PRKCA: variants seen among roughly 807,000 people sequenced by gnomAD.
PRKCA encodes the protein protein kinase C alpha.
In PRKCA, 27 loss-of-function variants were observed where a neutral mutation model predicts 87.0. That is an observed-to-expected ratio of 0.31 (90% CI 0.23 to 0.43). PRKCA has a LOEUF of 0.43. Among genes scored for constraint, PRKCA ranks in the 20% least tolerant of loss-of-function variants. The pLI is 1.00. For missense variants in PRKCA, 518 were observed against 852.3 expected (o/e 0.61, Z 4.88); for synonymous variants, 329 against 311.1 (o/e 1.06, Z -0.61).
chr17:66,456,178 A>C (rs899365420), intron 2 of PRKCA, among the ~76,000 whole-genome samples: 1 of 152,178 alleles, frequency 6.6e-6, no homozygotes, highest in African/African-American at 2.4e-5. Flanking sequence ...CAGAGCTTCC[A>C]GAAGGAACCA....
chr17:66,483,787 A>C (rs1029133892), intron 2 of PRKCA, among the ~76,000 whole-genome samples: 1 of 152,038 alleles, frequency 6.6e-6, no homozygotes, highest in Non-Finnish European at 1.5e-5. Flanking sequence ...TAAGGATGCC[A>C]GTCATATTGG....
intron 2 of PRKCA, among the ~76,000 whole-genome samples, chr17:66,318,908 T>C (rs116154347): frequency 2.2e-3 from 328 of 151,848 alleles, no homozygotes; most frequent in African/African-American, 7.7e-3. Context: ...ATTGCTTGAA[T>C]TCATGAATTT....
chr17:66,663,548 G>C (rs1971962658), intron 5 of PRKCA, among the ~76,000 whole-genome samples: 1 of 152,180 alleles, frequency 6.6e-6, no homozygotes, highest in South Asian at 2.1e-4. Flanking sequence ...AACTTGTCTT[G>C]ATATAAAGGG....
rs1598576068 is a variant in PRKCA at position 66,302,956 on chromosome 17, G to A, written c.105G>A (p.Lys35=). 3 of 1,612,746 alleles carry A rather than the reference G, an allele frequency of 1.9e-6. No individual in the cohort carries two copies. Among genetic ancestry groups the A allele is most frequent in the Non-Finnish European group, 2.5e-6 (3 of 1,179,354 alleles). The change falls in exon 1 of 17, where the codon AAG becomes AAA. Residue 35 remains lysine, a synonymous_variant. Coordinates refer to ENST00000413366, the MANE Select transcript of PRKCA (RefSeq NM_002737.3). Reference sequence around the variant, plus strand: ...GGCAGAAGAACGTGCACGAGGTGAAGGACCACAAATTCATCGCGCGCTTCT... The same window carrying A: ...GGCAGAAGAACGTGCACGAGGTGAAAGACCACAAATTCATCGCGCGCTTCT... ...ALRQKNVHEV[K]DHKFIARFFK... is the part of the protein sequence containing the mutation.
At chr17:66,727,049 G>A (rs1037654879) in intron 8 of PRKCA, among the ~76,000 whole-genome samples, 3 of 152,052 alleles carry the variant, frequency 2.0e-5, no homozygotes, top group African/African-American at 7.2e-5. Flanking sequence ...GCAGTAGCCC[G>A]CCAGCGAGAG....
At chr17:66,409,055 A>AAAAT (rs61052158) in intron 2 of PRKCA, among the ~76,000 whole-genome samples, 1 of 146,946 alleles carries the variant, frequency 6.8e-6, no homozygotes, top group Non-Finnish European at 1.5e-5. Context: ...AAAAAAAAAA[A>AAAAT]GAAGAAGAAT....
At chr17:66,441,779 C>T (rs74703517) in intron 2 of PRKCA, among the ~76,000 whole-genome samples, 19,727 of 152,060 alleles carry the variant, frequency 0.13, 1,399 homozygotes, top group Middle Eastern at 0.19. Context: ...TTAATTTACA[C>T]TGAAATGATT....
chr17:66,774,637 C>T, intron 14 of PRKCA: 1 of 987,592 alleles, frequency 1.0e-6, no homozygotes, highest in Non-Finnish European at 1.2e-6. Context: ...AAAAAATGTG[C>T]ACGTTGATGA....
chr17:66,781,441 C>T (rs920831787), intron 14 of PRKCA, among the ~76,000 whole-genome samples: 2 of 152,184 alleles, frequency 1.3e-5, no homozygotes, highest in East Asian at 1.9e-4. Context: ...TGACCCTCAA[C>T]GTACAGGTAG....
At chr17:66,418,917 A>ATT (rs1567819161) in intron 2 of PRKCA, among the ~76,000 whole-genome samples, 37 of 143,238 alleles carry the variant, frequency 2.6e-4, no homozygotes, top group African/African-American at 9.1e-4. Flanking sequence ...ACGCCCGGCT[A>ATT]ATTTTTTTTT....
At chr17:66,352,684 C>T (rs921189727) in intron 2 of PRKCA, among the ~76,000 whole-genome samples, 3 of 149,768 alleles carry the variant, frequency 2.0e-5, no homozygotes, top group Non-Finnish European at 4.4e-5. Context: ...CTGCCTCAGC[C>T]TCCCGAGTAG....
At chr17:66,525,992 G>C (rs1188044755) in intron 3 of PRKCA, among the ~76,000 whole-genome samples, 1 of 152,102 alleles carries the variant, frequency 6.6e-6, no homozygotes, top group Non-Finnish European at 1.5e-5. Context: ...TTGCCTTTAT[G>C]ATAATGATAT....
At chr17:66,585,492 T>C (rs1969565291) in intron 3 of PRKCA, among the ~76,000 whole-genome samples, 1 of 152,262 alleles carries the variant, frequency 6.6e-6, no homozygotes, top group African/African-American at 2.4e-5. Context: ...ACTGCCTAAA[T>C]AATTTCTTTC....
At chr17:66,453,538 G>T (rs1473395438) in intron 2 of PRKCA, among the ~76,000 whole-genome samples, 1 of 151,942 alleles carries the variant, frequency 6.6e-6, no homozygotes, top group African/African-American at 2.4e-5. Context: ...GGCTGGTCTC[G>T]AACTCCTGAC....
chr17:66,645,378 C>T lies in PRKCA; in HGVS notation c.401-5C>T. ...CAGCTCACCCTCTCCTTTCTTGATT[C>T]ACAGCCTGCGATATGAACGTTCACA... On this transcript the variant is annotated splice_polypyrimidine_tract_variant and splice_region_variant and intron_variant, in intron 4 of 16. Transcript: ENST00000413366. 3 of 1,614,180 alleles carry T rather than the reference C, an allele frequency of 1.9e-6. No homozygotes were observed. The highest frequency in any genetic ancestry group is 3.3e-5 in the Admixed American group (2 of 60,020).
chr17:66,702,193 CAT>C (rs1341342735), intron 8 of PRKCA, among the ~76,000 whole-genome samples: 1 of 150,532 alleles, frequency 6.6e-6, no homozygotes, highest in Non-Finnish European at 1.5e-5. Flanking sequence ...TGTGTATACA[CAT>C]ATATGTATAT....
Position 66,739,048 on chromosome 17 carries a change from A to G in PRKCA, c.1322+193A>G, listed in dbSNP as rs185765685. On this transcript the variant is annotated intron_variant, in intron 11 of 16. Coordinates refer to ENST00000413366, the MANE Select transcript of PRKCA (RefSeq NM_002737.3). Reference sequence around the variant, plus strand: ...CAGGCACACACCACCATGCCTGGCTAATTTTCTGTTTTTGGTAGAGATGGG... The same window carrying G: ...CAGGCACACACCACCATGCCTGGCTGATTTTCTGTTTTTGGTAGAGATGGG... Among the ~76,000 whole-genome samples the G allele has an allele frequency of 4.0e-4, 61 of 152,074 alleles. 1 individual carries two copies. The highest frequency in any genetic ancestry group is 3.9e-3 in the Admixed American group (60 of 15,268).
chr17:66,800,591 G>A (rs950460049), intron 16 of PRKCA, among the ~76,000 whole-genome samples: 1 of 152,154 alleles, frequency 6.6e-6, no homozygotes, highest in Admixed American at 6.5e-5. Context: ...TCTCCTTTTA[G>A]TTTGCTTTTT....
At chr17:66,753,593 T>A (rs1974483226) in intron 13 of PRKCA, among the ~76,000 whole-genome samples, 1 of 152,158 alleles carries the variant, frequency 6.6e-6, no homozygotes, top group African/African-American at 2.4e-5. Context: ...AAGGACTGAA[T>A]TGCATCCCCA....
Sources: gnomAD v4.1 joint callset for allele counts (sites outside exome capture counted in the v4.1 genomes callset) on GRCh38, gnomAD v4.1.1 for gene constraint, MANE v1.5 for transcripts, NCBI Gene and HGNC (gene_info 2026-07-23, HGNC 2026-07-21) for gene names.